Variants in KCTD16 observed in about 807,000 individuals in gnomAD.
The protein encoded by KCTD16 is BTB/POZ domain-containing protein KCTD16.
KCTD16 carries 13 observed loss-of-function variants against 33.2 expected under a neutral mutation model. The ratio of observed to expected loss-of-function variants is 0.39; its 90% CI spans 0.25 to 0.62. KCTD16 has a LOEUF of 0.62. Ranked by LOEUF, KCTD16 falls within the 20% of genes least tolerant of loss-of-function variation. The pLI is 0.50. For missense variants in KCTD16, 441 were observed against 525.1 expected (o/e 0.84, Z 1.57); for synonymous variants, 197 against 195.3 (o/e 1.01, Z -0.07).
chr5:144,301,405 C>T (rs1292278940), intron 3 of KCTD16, among the ~76,000 whole-genome samples: 1 of 151,982 alleles, frequency 6.6e-6, no homozygotes, highest in Non-Finnish European at 1.5e-5. Flanking sequence ...AAACTGTAGG[C>T]TATATAAGTA....
intron 2 of KCTD16, among the ~76,000 whole-genome samples, chr5:144,192,110 A>G (rs1436799259): frequency 6.6e-6 from 1 of 152,172 alleles, no homozygotes; most frequent in East Asian, 1.9e-4. Context: ...TCACAAGTGG[A>G]AAGAAATTAG....
At chr5:144,240,475 A>C (rs951116347) in intron 3 of KCTD16, among the ~76,000 whole-genome samples, 1 of 152,094 alleles carries the variant, frequency 6.6e-6, no homozygotes, top group African/African-American at 2.4e-5. Flanking sequence ...ATTACCCTTC[A>C]TCCAGCCTCT....
chr5:144,400,339 A>C (rs1334481500), intron 3 of KCTD16, among the ~76,000 whole-genome samples: 1 of 152,148 alleles, frequency 6.6e-6, no homozygotes, highest in African/African-American at 2.4e-5. Context: ...AGAGGGAGGA[A>C]GGAGGTGGTT....
chr5:144,377,045 G>A (rs867615938), intron 3 of KCTD16, among the ~76,000 whole-genome samples: 8 of 152,160 alleles, frequency 5.3e-5, no homozygotes, highest in African/African-American at 9.7e-5. Context: ...TGAGGAGGTG[G>A]TGTTTTAGGG....
At chr5:144,310,584 A>T (rs944763756) in intron 3 of KCTD16, among the ~76,000 whole-genome samples, 3 of 98,694 alleles carry the variant, frequency 3.0e-5, no homozygotes, top group Non-Finnish European at 8.2e-5. Context: ...AATATTATAT[A>T]TTTTTTTTGA....
chr5:144,417,857 G>A (rs1477686739), intron 3 of KCTD16, among the ~76,000 whole-genome samples: 2 of 152,068 alleles, frequency 1.3e-5, no homozygotes, highest in African/African-American at 2.4e-5. Flanking sequence ...GATGTGTCTG[G>A]AATTGGTTCC....
intron 3 of KCTD16, among the ~76,000 whole-genome samples, chr5:144,452,955 A>G (rs1316754366): frequency 6.6e-6 from 1 of 152,110 alleles, no homozygotes; most frequent in African/African-American, 2.4e-5. Flanking sequence ...CTAATCATAC[A>G]TGAGCTGGAG....
At chr5:144,378,198 G>T (rs1002816862) in intron 3 of KCTD16, among the ~76,000 whole-genome samples, 1 of 152,162 alleles carries the variant, frequency 6.6e-6, no homozygotes, top group Admixed American at 6.6e-5. Context: ...CTAGCCTGGA[G>T]GTTGGGGTAG....
intron 3 of KCTD16, among the ~76,000 whole-genome samples, chr5:144,467,156 G>C (rs931672686): frequency 3.4e-5 from 5 of 147,270 alleles, no homozygotes; most frequent in African/African-American, 1.3e-4. Context: ...AAAAGTTCTT[G>C]ATAGGCCTGT....
chr5:144,287,825 G>A (rs186826999), intron 3 of KCTD16, among the ~76,000 whole-genome samples: 4 of 152,004 alleles, frequency 2.6e-5, no homozygotes, highest in East Asian at 3.9e-4. Flanking sequence ...TAGTAGAGTC[G>A]AGGTTTCACC....
At chr5:144,187,706 ACCCCAGAGTCTTG>A (rs1752757544) in intron 2 of KCTD16, among the ~76,000 whole-genome samples, 1 of 152,084 alleles carries the variant, frequency 6.6e-6, no homozygotes, top group Non-Finnish European at 1.5e-5. Context: ...TTCTTTGTGT[ACCCCAGAGTCTTG>A]CTGTTAATCA....
At chr5:144,304,211 G>A (rs1461608503) in intron 3 of KCTD16, among the ~76,000 whole-genome samples, 1 of 152,234 alleles carries the variant, frequency 6.6e-6, no homozygotes, top group African/African-American at 2.4e-5. Flanking sequence ...GGGTGTCATA[G>A]TTAAATCCAA....
chr5:144,343,083 T>C (rs1096545), intron 3 of KCTD16, among the ~76,000 whole-genome samples: 37,767 of 152,010 alleles, frequency 0.25, 4,861 homozygotes, highest in Non-Finnish European at 0.28. Context: ...CAGGATGATG[T>C]TGGCCTCATA....
At chr5:144,267,523 A>G (rs1755176774) in intron 3 of KCTD16, among the ~76,000 whole-genome samples, 1 of 152,222 alleles carries the variant, frequency 6.6e-6, no homozygotes, top group Admixed American at 6.5e-5. Context: ...TATTAATTTA[A>G]TAAATGAATC....
chr5:144,339,402 C>T (rs1047896007), intron 3 of KCTD16, among the ~76,000 whole-genome samples: 1 of 152,032 alleles, frequency 6.6e-6, no homozygotes, highest in African/African-American at 2.4e-5. Flanking sequence ...TCCTTTTTTC[C>T]CCATGTCCTC....
chr5:144,343,689 T>A (rs1752706775), intron 3 of KCTD16, among the ~76,000 whole-genome samples: 1 of 152,222 alleles, frequency 6.6e-6, no homozygotes, highest in African/African-American at 2.4e-5. Flanking sequence ...CAATTTTGGA[T>A]CTTTCCTGCT....
chr5:144,304,990 T>TTTC (rs1751560186), intron 3 of KCTD16, among the ~76,000 whole-genome samples: 2 of 149,276 alleles, frequency 1.3e-5, no homozygotes, highest in Non-Finnish European at 3.0e-5. Flanking sequence ...TTTTTTTTTT[T>TTTC]TTTTTTTTTT....
chr5:144,417,780 T>C (rs761576309), intron 3 of KCTD16, among the ~76,000 whole-genome samples: 2 of 152,198 alleles, frequency 1.3e-5, no homozygotes, highest in Non-Finnish European at 2.9e-5. Context: ...GTCTATGTTG[T>C]AAAGTAGGGC....
intron 3 of KCTD16, among the ~76,000 whole-genome samples, chr5:144,228,858 A>G (rs1301950842): frequency 6.6e-6 from 1 of 152,254 alleles, no homozygotes. Context: ...ATATGTACAT[A>G]TAGTACCTAC....
Sources: allele counts gnomAD v4.1 joint callset (sites outside exome capture counted in the v4.1 genomes callset), GRCh38; gene constraint gnomAD v4.1.1; transcripts MANE v1.5; gene names NCBI Gene and HGNC (gene_info 2026-07-23, HGNC 2026-07-21).